OLFM2: variants seen among roughly 807,000 people sequenced by gnomAD.
OLFM2 encodes olfactomedin 2, also known as noelin-2.
OLFM2 carries 20 observed loss-of-function variants against 43.9 expected under a neutral mutation model. That is an observed-to-expected ratio of 0.46 (90% confidence interval 0.32 to 0.66). OLFM2 has a LOEUF of 0.66. Ranked by LOEUF, OLFM2 falls within the 30% of genes least tolerant of loss-of-function variation. The pLI, the probability that OLFM2 is intolerant of heterozygous loss-of-function variation, is 0.04. For synonymous variants in OLFM2, 268 were observed against 278.6 expected (o/e 0.96, Z 0.38); for missense variants, 416 against 643.6 (o/e 0.65, Z 3.83).
intron 1 of OLFM2, among the ~76,000 whole-genome samples, chr19:9,919,176 C>CTTTTTTTTT (rs36124685): frequency 0.039 from 5,814 of 149,074 alleles, 131 homozygotes; most frequent in African/African-American, 0.055. Context: ...ATTTCTCTCT[C>CTTTTTTTTT]TTTTTTTTGA....
chr19:9,928,441 G>A (rs1352425866), intron 1 of OLFM2, among the ~76,000 whole-genome samples: 1 of 150,814 alleles, frequency 6.6e-6, no homozygotes, highest in Admixed American at 6.6e-5. Context: ...GCCCAGGATT[G>A]TTGGAACTAT....
intron 1 of OLFM2, among the ~76,000 whole-genome samples, chr19:9,914,014 C>G: frequency 6.7e-6 from 1 of 149,976 alleles, no homozygotes; most frequent in Admixed American, 6.6e-5. Context: ...GGGACCTCCC[C>G]CTGGTGGCAT....
In OLFM2 at chr19:9,924,055, G is replaced by A. The variant is rs575009664; in HGVS notation, c.63+12249C>T. Among the ~76,000 whole-genome samples the A allele has an allele frequency of 2.0e-4, 26 of 130,158 alleles. No individual in the cohort carries two copies. The South Asian group carries it at 2.8e-3, about 14-fold the overall frequency. 85.4% of individuals were successfully genotyped at this position (130,158 alleles called of 152,430 possible). On this transcript the variant is annotated intron_variant, in intron 1 of 5. Coordinates refer to ENST00000264833, the MANE Select transcript of OLFM2 (RefSeq NM_058164.4). ...GTGGAGGTTGCAGTGAGCCGAGGTC[G>A]TACCACTGCATTTCAGCCTGGGCAA...
At chr19:9,894,759 C>T (rs1344714186) in intron 1 of OLFM2, among the ~76,000 whole-genome samples, 1 of 151,978 alleles carries the variant, frequency 6.6e-6, no homozygotes, top group Non-Finnish European at 1.5e-5. Flanking sequence ...CTTCCCACTC[C>T]TCGGTTGAGA....
intron 1 of OLFM2, among the ~76,000 whole-genome samples, chr19:9,917,045 C>T (rs1431351738): frequency 1.3e-5 from 2 of 152,138 alleles, no homozygotes; most frequent in East Asian, 3.8e-4. Context: ...TCTCATTCTG[C>T]CTGGACCATC....
At position 9,885,431 on chromosome 19, in the gene OLFM2, G is replaced by A. The variant is rs575909632; in HGVS notation, c.64-24637C>T. 7.9e-5 allele frequency among the ~76,000 whole-genome samples: 12 copies of A among 152,294 alleles called. No homozygotes were observed. In the East Asian group the frequency reaches 1.4e-3, roughly 17 times the overall value. On this transcript the variant is annotated intron_variant, in intron 1 of 5. Coordinates refer to ENST00000264833, the MANE Select transcript of OLFM2 (RefSeq NM_058164.4). ...GCCTGGTGCTCCTATGACCCCCCTCGTTAGGGCTGGGGGAGTGTGGGAGAT... is the reference window on the plus strand; with the variant it reads ...GCCTGGTGCTCCTATGACCCCCCTCATTAGGGCTGGGGGAGTGTGGGAGAT...
At chr19:9,872,264 CA>C (rs2046448606) in intron 1 of OLFM2, among the ~76,000 whole-genome samples, 1 of 152,152 alleles carries the variant, frequency 6.6e-6, no homozygotes. Flanking sequence ...GCATTCCCAG[CA>C]CTTCGGGAGG....
In OLFM2 at chr19:9,854,086, A is replaced by G; in HGVS notation, c.*100T>C. The G allele has an allele frequency of 3.7e-6, 4 of 1,073,198 alleles. No individual in the cohort carries two copies. The highest frequency in any genetic ancestry group is 2.8e-6 in the Non-Finnish European group (2 of 722,280). The allele number at this position is 1,073,198 out of a possible 1,614,324, so 66.5% of individuals were successfully genotyped here. The stretch of plus-strand genomic sequence containing the variant: ...CAAAAAGGCGGGGAGAAAGGGCGTG[A>G]CAGAGACAGAGAGATCACCCTTGAG... On this transcript the variant is annotated 3_prime_UTR_variant, in exon 6 of 6. Coordinates refer to ENST00000264833, the MANE Select transcript of OLFM2 (RefSeq NM_058164.4). This position sits in a 1 kb window ranked among gnomAD's most constrained non-coding sequence, Gnocchi z 9.5.
chr19:9,924,405 C>CCA (rs2086439360), intron 1 of OLFM2, among the ~76,000 whole-genome samples: 1 of 48,972 alleles, frequency 2.0e-5, no homozygotes, highest in African/African-American at 1.2e-4. Context: ...GACTCTGTCT[C>CCA]CAAAAAAAAA....
chr19:9,882,017 T>C (rs965831751), intron 1 of OLFM2, among the ~76,000 whole-genome samples: 4 of 151,536 alleles, frequency 2.6e-5, no homozygotes, highest in Admixed American at 1.3e-4. Flanking sequence ...GGTGGATGGC[T>C]TGAGCCCAGG....
In OLFM2 at chr19:9,854,010, G is replaced by A. The variant is rs2046291835; in HGVS notation, c.*176C>T. 3 of 611,448 alleles carry A rather than the reference G, an allele frequency of 4.9e-6. No individual in the cohort carries two copies. Among genetic ancestry groups the A allele is most frequent in the Admixed American group, 5.9e-5 (2 of 33,928 alleles). The allele number at this position is 611,448 out of a possible 1,614,324, so 37.9% of individuals were successfully genotyped here. On this transcript the variant is annotated 3_prime_UTR_variant, in exon 6 of 6. Coordinates refer to ENST00000264833, the MANE Select transcript of OLFM2 (RefSeq NM_058164.4). The surrounding 1 kb of genome is among the most constrained non-coding windows in gnomAD (Gnocchi z 9.5). Reference sequence around the variant, plus strand: ...AGCAGAGATCAATAAAGGAGAAGAGGGGAAATTGAAAAAATAGACAGAAAT... The same window carrying A: ...AGCAGAGATCAATAAAGGAGAAGAGAGGAAATTGAAAAAATAGACAGAAAT...
chr19:9,859,591 C>T (rs1011801757), intron 2 of OLFM2, among the ~76,000 whole-genome samples: 3 of 152,208 alleles, frequency 2.0e-5, no homozygotes, highest in Non-Finnish European at 4.4e-5. Flanking sequence ...CCACGCCCGG[C>T]CCAGGGGACT....
At chr19:9,898,086 T>G (rs1369261015) in intron 1 of OLFM2, among the ~76,000 whole-genome samples, 1 of 149,832 alleles carries the variant, frequency 6.7e-6, no homozygotes, top group African/African-American at 2.4e-5. Flanking sequence ...TTTTTTTTTT[T>G]TTGAGACAGA....
intron 2 of OLFM2, 146 bp downstream of exon 2, chr19:9,860,499 G>T (rs560708400): frequency 3.9e-6 from 3 of 770,776 alleles, no homozygotes; most frequent in African/African-American, 3.6e-5. Context: ...AAAAGGACCT[G>T]CCTGGAGAGG....
chr19:9,868,913 G>A (rs944629438), intron 1 of OLFM2, among the ~76,000 whole-genome samples: 6 of 151,206 alleles, frequency 4.0e-5, no homozygotes, highest in South Asian at 2.1e-4. Context: ...TCCAGCCTGC[G>A]TGACAAAGTG....
intron 1 of OLFM2, among the ~76,000 whole-genome samples, chr19:9,901,558 C>T (rs1412666579): frequency 2.6e-5 from 4 of 152,208 alleles, no homozygotes; most frequent in African/African-American, 9.6e-5. Flanking sequence ...CAGACACCCA[C>T]CTGACTCTGA....
chr19:9,854,323 A>G lies in OLFM2; in HGVS notation c.1228T>C (p.Phe410Leu), dbSNP rs1431730670. ...GAGATGTGGGAATACTGGTTGTGGA[A>G]GGGCACGTCCGTGTACTCGTAACTG... is the stretch of plus-strand genomic sequence containing the variant. The part of the protein sequence containing the change: ...TSSYEYTDVP[F>L]HNQYSHISML... Residue 410 changes from phenylalanine to leucine, a missense_variant, in exon 6 of 6, where the codon TTC becomes CTC. Coordinates refer to ENST00000264833, the MANE Select transcript of OLFM2 (RefSeq NM_058164.4). This position sits in a 1 kb window ranked among gnomAD's most constrained non-coding sequence, Gnocchi z 9.5. The G allele has an allele frequency of 1.2e-6, 2 of 1,614,052 alleles. No homozygotes were observed. Among genetic ancestry groups the G allele is most frequent in the South Asian group, 2.2e-5 (2 of 91,090 alleles).
chr19:9,900,917 G>C (rs1464264947), intron 1 of OLFM2, among the ~76,000 whole-genome samples: 1 of 133,628 alleles, frequency 7.5e-6, no homozygotes, highest in South Asian at 2.6e-4. Context: ...GGGAAGGGGA[G>C]GGAAAGGGAA....
chr19:9,859,760 A>T (rs114983655), intron 2 of OLFM2, among the ~76,000 whole-genome samples: 42 of 152,324 alleles, frequency 2.8e-4, no homozygotes, highest in African/African-American at 1.0e-3. Context: ...ACCAGAGCTC[A>T]CACACAGGAG....
Sources: allele counts gnomAD v4.1 joint callset (sites outside exome capture counted in the v4.1 genomes callset), GRCh38; gene constraint gnomAD v4.1.1; non-coding constraint Gnocchi (gnomAD v3.1); transcripts MANE v1.5; gene names NCBI Gene and HGNC (gene_info 2026-07-23, HGNC 2026-07-21).